Variants in PPM1H observed in about 807,000 individuals in gnomAD.
The protein encoded by PPM1H is protein phosphatase, Mg2+/Mn2+ dependent 1H.
Under a neutral mutation model 54.9 loss-of-function variants are expected in PPM1H, and 27 were observed. The ratio of observed to expected loss-of-function variants is 0.49; its 90% CI spans 0.36 to 0.68. PPM1H has a LOEUF of 0.68. Among genes scored for constraint, PPM1H ranks in the 30% least tolerant of loss-of-function variants. PPM1H has a pLI of 0.00. For missense variants in PPM1H, 596 were observed against 667.8 expected (o/e 0.89, Z 1.19); for synonymous variants, 305 against 270.8 (o/e 1.13, Z -1.24).
intron 2 of PPM1H, among the ~76,000 whole-genome samples, chr12:62,819,457 A>G (rs2076889138): frequency 6.6e-6 from 1 of 152,186 alleles, no homozygotes; most frequent in African/African-American, 2.4e-5. Context: ...CAAAGGAGAA[A>G]TGTTTATTGT....
rs183072864 is a variant in PPM1H at position 62,655,197 on chromosome 12, C to T, written c.1398-6561G>A. On this transcript the variant is annotated intron_variant, in intron 9 of 9. Coordinates refer to ENST00000228705, the MANE Select transcript of PPM1H (RefSeq NM_020700.2). Reference sequence around the variant, plus strand: ...TAGATTCATTAACTCAACACAACCCCGGGGACTCAGCTCTTGGGAGAAGGC... The same window carrying T: ...TAGATTCATTAACTCAACACAACCCTGGGGACTCAGCTCTTGGGAGAAGGC... 2.6e-4 allele frequency among the ~76,000 whole-genome samples: 40 copies of T among 152,266 alleles called. 1 individual carries two copies. The highest frequency in any genetic ancestry group is 1.9e-3 in the South Asian group (9 of 4,826).
chr12:62,821,503 A>G (rs899121385), intron 2 of PPM1H, among the ~76,000 whole-genome samples: 1 of 152,200 alleles, frequency 6.6e-6, no homozygotes, highest in African/African-American at 2.4e-5. Context: ...GAAGGAAAAA[A>G]TGTTAAGGGC....
At chr12:62,701,380 C>T (rs1202455264) in intron 6 of PPM1H, among the ~76,000 whole-genome samples, 2 of 152,186 alleles carry the variant, frequency 1.3e-5, no homozygotes, top group Non-Finnish European at 2.9e-5. Context: ...CCCTTTTACC[C>T]TAATGAGCAG....
At chr12:62,774,536 C>A (rs1298440726) in intron 4 of PPM1H, among the ~76,000 whole-genome samples, 1 of 152,084 alleles carries the variant, frequency 6.6e-6, no homozygotes, top group South Asian at 2.1e-4. Context: ...GAGATGGGAT[C>A]TCATCATGTT....
At chr12:62,893,949 T>C (rs1485597834) in intron 1 of PPM1H, among the ~76,000 whole-genome samples, 2 of 152,158 alleles carry the variant, frequency 1.3e-5, no homozygotes, top group Admixed American at 6.5e-5. Context: ...GGCCACACTA[T>C]TGAATGAGAA....
At chr12:62,920,371 A>C (rs1871755369) in intron 1 of PPM1H, among the ~76,000 whole-genome samples, 2 of 152,072 alleles carry the variant, frequency 1.3e-5, no homozygotes, top group Admixed American at 1.3e-4. Context: ...CTGTCACCCA[A>C]GCTGGAGTGT....
chr12:62,679,788 C>T (rs983400218), intron 8 of PPM1H, among the ~76,000 whole-genome samples: 5 of 152,176 alleles, frequency 3.3e-5, no homozygotes, highest in Non-Finnish European at 4.4e-5. Context: ...GATCTGAGCG[C>T]AGGTCCCCAG....
intron 2 of PPM1H, among the ~76,000 whole-genome samples, chr12:62,820,069 C>T (rs539629534): frequency 1.3e-5 from 2 of 152,352 alleles, no homozygotes; most frequent in East Asian, 3.9e-4. Context: ...ACACTCCCGC[C>T]CAAATACTGC....
chr12:62,726,206 T>C (rs2076288297), intron 5 of PPM1H, among the ~76,000 whole-genome samples: 1 of 152,202 alleles, frequency 6.6e-6, no homozygotes, highest in Non-Finnish European at 1.5e-5. Flanking sequence ...GGTTGCTTAA[T>C]GAAAAATGAG....
intron 2 of PPM1H, among the ~76,000 whole-genome samples, chr12:62,804,676 CTTTTTTTT>C (rs759291510): frequency 6.9e-5 from 8 of 116,194 alleles, no homozygotes; most frequent in Non-Finnish European, 1.2e-4. Context: ...CTTTTTTTTT[CTTTTTTTT>C]TTTTTTTTTG....
intron 1 of PPM1H, among the ~76,000 whole-genome samples, chr12:62,917,099 C>T (rs536968608): frequency 6.6e-6 from 1 of 152,366 alleles, no homozygotes; most frequent in South Asian, 2.1e-4. Context: ...CAAAACCAAA[C>T]CTCAAGCAAG....
At chr12:62,706,383 T>A (rs2076174392) in intron 6 of PPM1H, among the ~76,000 whole-genome samples, 1 of 152,116 alleles carries the variant, frequency 6.6e-6, no homozygotes, top group Non-Finnish European at 1.5e-5. Context: ...AAGGGAGGAA[T>A]ACCACACTCT....
At chr12:62,773,097 G>A (rs891142796) in intron 4 of PPM1H, among the ~76,000 whole-genome samples, 6 of 152,184 alleles carry the variant, frequency 3.9e-5, no homozygotes, top group Admixed American at 2.6e-4. Context: ...GTAGTGAGCC[G>A]AGATGGTGCC....
intron 5 of PPM1H, among the ~76,000 whole-genome samples, chr12:62,733,207 A>T (rs1378838180): frequency 6.6e-6 from 1 of 151,982 alleles, no homozygotes; most frequent in Admixed American, 6.5e-5. Context: ...GGCTGGGAGA[A>T]ATCCACATCA....
intron 2 of PPM1H, among the ~76,000 whole-genome samples, chr12:62,808,072 T>C (rs936166627): frequency 8.5e-5 from 13 of 152,184 alleles, no homozygotes; most frequent in African/African-American, 2.9e-4. Flanking sequence ...GCTCAAGCAG[T>C]CCTCCTGCCT....
Position 62,658,742 on chromosome 12 carries a change from T to G in PPM1H, c.1397+8436A>C, listed in dbSNP as rs2075862492. On this transcript the variant is annotated intron_variant, in intron 9 of 9. Coordinates refer to ENST00000228705, the MANE Select transcript of PPM1H (RefSeq NM_020700.2). ...CGTGACCCCACAAGAGTAAAAGAAC[T>G]GCCAGCTTCCCTACAATTCAGGGCA... The G allele has an allele frequency of 3.2e-5, 12 of 372,326 alleles. 1 individual carries two copies. Among genetic ancestry groups the G allele is most frequent in the South Asian group, 2.6e-4 (12 of 45,650 alleles). 23.1% of individuals were successfully genotyped at this position (372,326 alleles called of 1,614,324 possible).
chr12:62,863,760 A>C (rs1484018147), intron 1 of PPM1H, among the ~76,000 whole-genome samples: 1 of 152,206 alleles, frequency 6.6e-6, no homozygotes, highest in African/African-American at 2.4e-5. Context: ...AAAGCTGGAA[A>C]AGGGTTCAGG....
chr12:62,898,422 G>A (rs931097539), intron 1 of PPM1H, among the ~76,000 whole-genome samples: 6 of 152,136 alleles, frequency 3.9e-5, no homozygotes, highest in African/African-American at 9.7e-5. Flanking sequence ...AGGAAAAAAC[G>A]CACTGAAAAG....
At chr12:62,855,550 G>A (rs1869354171) in intron 1 of PPM1H, among the ~76,000 whole-genome samples, 1 of 152,162 alleles carries the variant, frequency 6.6e-6, no homozygotes. Context: ...TGACTTCTTA[G>A]GACCCAACAT....
Sources: allele counts gnomAD v4.1 joint callset (sites outside exome capture counted in the v4.1 genomes callset), GRCh38; gene constraint gnomAD v4.1.1; transcripts MANE v1.5; gene names NCBI Gene and HGNC (gene_info 2026-07-23, HGNC 2026-07-21).